KLHL29: variants seen among roughly 807,000 people sequenced by gnomAD.
KLHL29 encodes kelch like family member 29, also known as kelch-like protein 29.
KLHL29 carries 21 observed loss-of-function variants against 80.4 expected under a neutral mutation model. The ratio of observed to expected loss-of-function variants is 0.26; its 90% confidence interval spans 0.19 to 0.38. The LOEUF (loss-of-function observed/expected upper bound fraction) is 0.38, where lower values mean the gene tolerates loss of function less well. Among genes scored for constraint, KLHL29 ranks in the 10% least tolerant of loss-of-function variants. The pLI is 1.00. For missense variants in KLHL29, 867 were observed against 1,223.9 expected (o/e 0.71, Z 4.35); for synonymous variants, 511 against 526.8 (o/e 0.97, Z 0.41).
At chr2:23,505,681 A>G (rs1245025533) in intron 2 of KLHL29, among the ~76,000 whole-genome samples, 1 of 152,248 alleles carries the variant, frequency 6.6e-6, no homozygotes, top group Non-Finnish European at 1.5e-5. Flanking sequence ...ACCTACAGAA[A>G]GTTCCAGAGA....
chr2:23,484,551 A>C (rs376225233), intron 2 of KLHL29, among the ~76,000 whole-genome samples: 1 of 152,352 alleles, frequency 6.6e-6, no homozygotes, highest in South Asian at 2.1e-4. Flanking sequence ...ACACAGAGAC[A>C]TTCTGTCCAG....
intron 5 of KLHL29, among the ~76,000 whole-genome samples, chr2:23,646,971 T>A (rs985542961): frequency 6.6e-6 from 1 of 152,194 alleles, no homozygotes; most frequent in Non-Finnish European, 1.5e-5. Context: ...GCTCTGGCTA[T>A]TGCCTCTGGT....
intron 2 of KLHL29, among the ~76,000 whole-genome samples, chr2:23,480,508 AC>A (rs1406739602): frequency 6.9e-6 from 1 of 144,340 alleles, no homozygotes; most frequent in Non-Finnish European, 1.5e-5. Context: ...ACAAAAAAAA[AC>A]TACAGATGCC....
intron 2 of KLHL29, among the ~76,000 whole-genome samples, chr2:23,510,379 T>C (rs1665732782): frequency 6.6e-6 from 1 of 152,146 alleles, no homozygotes; most frequent in Non-Finnish European, 1.5e-5. Context: ...CACCCTCCCT[T>C]AGCTCAGCCC....
chr2:23,480,435 T>C (rs539180560), intron 2 of KLHL29, among the ~76,000 whole-genome samples: 4 of 152,076 alleles, frequency 2.6e-5, no homozygotes, highest in African/African-American at 7.2e-5. Context: ...TGCAGTGAGC[T>C]GAGATCGCAC....
chr2:23,448,811 G>GGTAGATTTT, intron 1 of KLHL29, among the ~76,000 whole-genome samples: 1 of 152,206 alleles, frequency 6.6e-6, no homozygotes, highest in Admixed American at 6.5e-5. Flanking sequence ...GCCAGAGAAC[G>GGTAGATTTT]GCAGAATCTA....
At chr2:23,604,625 G>A (rs2103525561) in intron 3 of KLHL29, among the ~76,000 whole-genome samples, 1 of 152,272 alleles carries the variant, frequency 6.6e-6, no homozygotes, top group African/African-American at 2.4e-5. Flanking sequence ...GAGAGCTCAG[G>A]CCCCTGGAGC....
intron 2 of KLHL29, among the ~76,000 whole-genome samples, chr2:23,557,927 GC>G (rs572062778): frequency 2.0e-5 from 3 of 152,198 alleles, no homozygotes; most frequent in African/African-American, 7.2e-5. Flanking sequence ...AAAGATTCAC[GC>G]CCCCAGTATG....
chr2:23,607,436 A>G (rs1668755440), intron 3 of KLHL29, among the ~76,000 whole-genome samples: 1 of 152,248 alleles, frequency 6.6e-6, no homozygotes, highest in African/African-American at 2.4e-5. Flanking sequence ...GCTGCCCAGG[A>G]GAACCATTAG....
intron 2 of KLHL29, among the ~76,000 whole-genome samples, chr2:23,490,014 G>A (rs564061110): frequency 2.2e-4 from 34 of 152,288 alleles, no homozygotes; most frequent in African/African-American, 7.9e-4. Flanking sequence ...TTGTTTCCCC[G>A]CCTGCCTCAG....
chr2:23,672,348 G>C (rs1427189238), intron 5 of KLHL29: 2 of 152,434 alleles, frequency 1.3e-5, no homozygotes, highest in African/African-American at 4.8e-5. Flanking sequence ...TTCCCCATCA[G>C]ACTTGAGCTC....
chr2:23,393,009 C>T (rs1238600449), intron 1 of KLHL29, among the ~76,000 whole-genome samples: 2 of 152,254 alleles, frequency 1.3e-5, no homozygotes, highest in South Asian at 2.1e-4. Context: ...GTTTGAATGG[C>T]GTCTGTTTCC....
chr2:23,469,767 G>A (rs376121072), intron 1 of KLHL29, among the ~76,000 whole-genome samples: 1 of 152,272 alleles, frequency 6.6e-6, no homozygotes. Flanking sequence ...TGCCAGGTGG[G>A]TCCTCCCTGC....
At chr2:23,608,334 G>A (rs535835497) in intron 3 of KLHL29, among the ~76,000 whole-genome samples, 47 of 152,240 alleles carry the variant, frequency 3.1e-4, no homozygotes, top group African/African-American at 1.1e-3. Flanking sequence ...GAACTCCCAC[G>A]CGCCTGTGAG....
chr2:23,704,337 C>A (rs1672581593), intron 13 of KLHL29, among the ~76,000 whole-genome samples: 3 of 152,198 alleles, frequency 2.0e-5, no homozygotes, highest in Admixed American at 2.0e-4. Flanking sequence ...CACACACAAA[C>A]CCACCCCTGC....
chr2:23,554,174 C>T (rs1204108912), intron 2 of KLHL29, among the ~76,000 whole-genome samples: 1 of 152,250 alleles, frequency 6.6e-6, no homozygotes, highest in Non-Finnish European at 1.5e-5. Flanking sequence ...GCCGCCTCTC[C>T]AGAAACACCC....
intron 1 of KLHL29, among the ~76,000 whole-genome samples, chr2:23,466,277 T>A (rs1664351467): frequency 6.6e-6 from 1 of 152,174 alleles, no homozygotes; most frequent in South Asian, 2.1e-4. Context: ...ACTTCTAAAT[T>A]TTCTCAATGG....
At chr2:23,458,588 G>A (rs763485120) in intron 1 of KLHL29, among the ~76,000 whole-genome samples, 9 of 152,138 alleles carry the variant, frequency 5.9e-5, no homozygotes, top group African/African-American at 2.2e-4. Context: ...TTATGAACAC[G>A]TGTTCTCATA....
chr2:23,498,428 G>T (rs1195534666), intron 2 of KLHL29, among the ~76,000 whole-genome samples: 1 of 152,182 alleles, frequency 6.6e-6, no homozygotes. Flanking sequence ...ACAAACACCC[G>T]ATCAGGCAGG....
Sources: gnomAD v4.1 joint callset for allele counts (sites outside exome capture counted in the v4.1 genomes callset) on GRCh38, gnomAD v4.1.1 for gene constraint, MANE v1.5 for transcripts, NCBI Gene and HGNC (gene_info 2026-07-23, HGNC 2026-07-21) for gene names.